The following APBB2 variants were observed in gnomAD, a reference collection of about 807,000 sequenced individuals.
APBB2 encodes the protein amyloid beta precursor protein binding family B member 2.
In APBB2, 38 loss-of-function variants were observed where a neutral mutation model predicts 82.5. The ratio of observed to expected loss-of-function variants is 0.46; its 90% CI spans 0.36 to 0.60. The LOEUF (loss-of-function observed/expected upper bound fraction) is 0.60, where lower values mean the gene tolerates loss of function less well. APBB2 is among the 20% of genes least tolerant of loss of function. APBB2 has a pLI of 0.00. For missense variants in APBB2, 772 were observed against 972.3 expected (o/e 0.79, Z 2.74); for synonymous variants, 341 against 368.2 (o/e 0.93, Z 0.85).
chr4:40,916,467 G>C (rs1328033571), intron 10 of APBB2, among the ~76,000 whole-genome samples: 1 of 152,228 alleles, frequency 6.6e-6, no homozygotes, highest in East Asian at 1.9e-4. Context: ...TGCACATGGA[G>C]ATTGGCAACT....
At chr4:40,970,495 A>G (rs1300065199) in intron 6 of APBB2, among the ~76,000 whole-genome samples, 1 of 152,030 alleles carries the variant, frequency 6.6e-6, no homozygotes, top group Non-Finnish European at 1.5e-5. Context: ...AAGGCATTTA[A>G]ACTAACTGCA....
At chr4:40,977,604 C>T (rs571705051) in intron 6 of APBB2, among the ~76,000 whole-genome samples, 1 of 152,274 alleles carries the variant, frequency 6.6e-6, no homozygotes, top group East Asian at 1.9e-4. Context: ...TGAGCCACTG[C>T]ACCTGGTCTC....
chr4:40,934,415 TAAG>T (rs1197963376), intron 10 of APBB2, 38 bp downstream of exon 10: 1 of 1,583,020 alleles, frequency 6.3e-7, no homozygotes, highest in African/African-American at 1.3e-5. Context: ...TATTTGGATC[TAAG>T]AATATAACCT....
intron 13 of APBB2, among the ~76,000 whole-genome samples, chr4:40,827,998 T>TTCCCCTTTTGCTTGGCTCTGATTCTCTC (rs1750535345): frequency 6.6e-6 from 1 of 152,168 alleles, no homozygotes; most frequent in Admixed American, 6.5e-5. Context: ...GACAAGGGGT[T>TTCCCCTTTTGCTTGGCTCTGATTCTCTC]TCCCCTTTTG....
At chr4:40,948,047 C>T (rs546347184) in intron 6 of APBB2, among the ~76,000 whole-genome samples, 8 of 152,194 alleles carry the variant, frequency 5.3e-5, no homozygotes, top group Non-Finnish European at 1.2e-4. Flanking sequence ...GACTTACTAA[C>T]ATTTATCTAT....
At chr4:41,161,347 C>T (rs891658639) in intron 1 of APBB2, among the ~76,000 whole-genome samples, 6 of 152,152 alleles carry the variant, frequency 3.9e-5, no homozygotes, top group African/African-American at 1.2e-4. Context: ...TGGCTCACAC[C>T]TGTAATCCTA....
intron 12 of APBB2, among the ~76,000 whole-genome samples, chr4:40,854,790 CAAAAAAAA>C (rs80240731): frequency 3.2e-5 from 4 of 124,814 alleles, no homozygotes; most frequent in Non-Finnish European, 4.9e-5. Flanking sequence ...AGTCCATCTC[CAAAAAAAA>C]AAAAAAAAAA....
intron 3 of APBB2, among the ~76,000 whole-genome samples, chr4:41,073,154 T>C (rs1157752906): frequency 6.6e-6 from 1 of 152,210 alleles, no homozygotes; most frequent in Non-Finnish European, 1.5e-5. Flanking sequence ...AAGATTCTTT[T>C]TCCCAATTAT....
chr4:40,999,801 T>C (rs527534011), intron 6 of APBB2, among the ~76,000 whole-genome samples: 7 of 152,184 alleles, frequency 4.6e-5, no homozygotes, highest in African/African-American at 1.7e-4. Context: ...GGTACGCTAT[T>C]ACCTTGAATT....
intron 10 of APBB2, among the ~76,000 whole-genome samples, chr4:40,904,835 G>C (rs755479785): frequency 2.0e-5 from 3 of 152,038 alleles, no homozygotes; most frequent in Admixed American, 2.0e-4. Context: ...TCATTATTCA[G>C]CATGGCAGAG....
intron 10 of APBB2, among the ~76,000 whole-genome samples, chr4:40,922,938 T>G (rs1781638523): frequency 6.8e-6 from 1 of 148,002 alleles, no homozygotes; most frequent in Admixed American, 6.8e-5. Context: ...TTAATCTAAT[T>G]GTTCTGTAGG....
intron 6 of APBB2, among the ~76,000 whole-genome samples, chr4:40,950,606 GGGA>G (rs1298043624): frequency 6.6e-6 from 1 of 152,090 alleles, no homozygotes; most frequent in Non-Finnish European, 1.5e-5. Flanking sequence ...CTAGCACGTT[GGGA>G]GGCTGAGGTG....
chr4:40,958,904 C>T (rs1237570670), intron 6 of APBB2, among the ~76,000 whole-genome samples: 1 of 152,176 alleles, frequency 6.6e-6, no homozygotes, highest in African/African-American at 2.4e-5. Context: ...CTGCACTCAG[C>T]CTTAATTTTT....
At chr4:40,928,985 G>A (rs918168456) in intron 10 of APBB2, among the ~76,000 whole-genome samples, 21 of 148,690 alleles carry the variant, frequency 1.4e-4, no homozygotes, top group African/African-American at 4.7e-4. Flanking sequence ...AACAGAGAAG[G>A]GCATTAGAAG....
At chr4:41,196,069 G>C in intron 1 of APBB2, among the ~76,000 whole-genome samples, 1 of 151,864 alleles carries the variant, frequency 6.6e-6, no homozygotes, top group Non-Finnish European at 1.5e-5. Context: ...TGAGGCAAGA[G>C]AATGGCGTGA....
At chr4:40,966,042 C>G (rs1794582084) in intron 6 of APBB2, among the ~76,000 whole-genome samples, 1 of 152,190 alleles carries the variant, frequency 6.6e-6, no homozygotes, top group African/African-American at 2.4e-5. Flanking sequence ...TAATATAACT[C>G]ATACTGAAAC....
At position 40,832,013 on chromosome 4, in the gene APBB2, T is replaced by TATATACACACACACACACAC. The variant is rs777910826; in HGVS notation, c.1530-1437_1530-1436insGTGTGTGTGTGTGTGTATAT. 5.8e-5 allele frequency among the ~76,000 whole-genome samples: 8 copies of TATATACACACACACACACAC among 138,884 alleles called. No homozygotes were observed. The highest frequency in any genetic ancestry group is 7.8e-5 in the Non-Finnish European group (5 of 64,472). 91.1% of individuals were successfully genotyped at this position (138,884 alleles called of 152,430 possible). A position where few individuals can be genotyped will look rare whatever the true frequency, so the allele number is the denominator to read the frequency against. On this transcript the variant is annotated intron_variant, in intron 12 of 17. Transcript: ENST00000508593. The surrounding 1 kb of genome is among the most constrained non-coding windows in gnomAD (Gnocchi z 4.8). ...ACACATATTTATATATTTATTTATA[T>TATATACACACACACACACAC]ACACACACACACACACACACACACA...
chr4:40,978,015 AG>A (rs1408780145), intron 6 of APBB2, among the ~76,000 whole-genome samples: 1 of 152,254 alleles, frequency 6.6e-6, no homozygotes, highest in Non-Finnish European at 1.5e-5. Flanking sequence ...TAAATATAAT[AG>A]AAATGTTCTC....
intron 3 of APBB2, among the ~76,000 whole-genome samples, chr4:41,091,439 G>C (rs1741658010): frequency 6.6e-6 from 1 of 151,408 alleles, no homozygotes; most frequent in Admixed American, 6.6e-5. Context: ...AAAAAAGTAA[G>C]TAATTTTTGT....
Sources: allele counts gnomAD v4.1 joint callset (sites outside exome capture counted in the v4.1 genomes callset), GRCh38; gene constraint gnomAD v4.1.1; non-coding constraint Gnocchi (gnomAD v3.1); transcripts MANE v1.5; gene names NCBI Gene and HGNC (gene_info 2026-07-23, HGNC 2026-07-21).